CBLC: variants seen among roughly 807,000 people sequenced by gnomAD.
CBLC encodes the protein E3 ubiquitin-protein ligase CBL-C.
Under a neutral mutation model 58.6 loss-of-function variants are expected in CBLC, and 46 were observed. The observed-to-expected ratio is 0.79, with a 90% CI of 0.62 to 1.00. CBLC has a LOEUF of 1.00. Ranked by LOEUF, CBLC falls within the 50% of genes least tolerant of loss-of-function variation. The probability of loss-of-function intolerance (pLI) is 0.00; values close to 1 mark genes in which losing one functional copy is unlikely to be tolerated. For synonymous variants in CBLC, 271 were observed against 264.2 expected (o/e 1.03, Z -0.25); for missense variants, 655 against 625.8 (o/e 1.05, Z -0.50).
intron 5 of CBLC, among the ~76,000 whole-genome samples, chr19:44,785,249 A>G (rs903347409): frequency 2.0e-5 from 3 of 151,602 alleles, no homozygotes; most frequent in Admixed American, 2.0e-4. Flanking sequence ...TGCTGATTAC[A>G]GGCATGAGCC....
intron 7 of CBLC, among the ~76,000 whole-genome samples, chr19:44,792,819 C>G (rs1040096044): frequency 6.6e-6 from 1 of 152,154 alleles, no homozygotes; most frequent in Admixed American, 6.5e-5. Flanking sequence ...GCCTCGTCCC[C>G]TGGAGAACGG....
chr19:44,779,269 C>G (rs371396660), intron 1 of CBLC, among the ~76,000 whole-genome samples: 41 of 152,122 alleles, frequency 2.7e-4, no homozygotes, highest in African/African-American at 9.7e-4. Context: ...ATGTGGAGAC[C>G]CCATGGGCTC....
chr19:44,799,339 T>A (rs1968240114), intron 9 of CBLC, among the ~76,000 whole-genome samples: 1 of 152,152 alleles, frequency 6.6e-6, no homozygotes, highest in Admixed American at 6.5e-5. Context: ...CCTGTTTTGC[T>A]TTGTTTTGTT....
At chr19:44,779,672 C>T (rs1197438664) in intron 1 of CBLC, among the ~76,000 whole-genome samples, 1 of 151,982 alleles carries the variant, frequency 6.6e-6, no homozygotes, top group African/African-American at 2.4e-5. Flanking sequence ...CCACCTCAGC[C>T]TCCCATGTAG....
intron 9 of CBLC, among the ~76,000 whole-genome samples, chr19:44,797,915 A>T (rs550912254): frequency 2.9e-5 from 4 of 138,476 alleles, no homozygotes; most frequent in Admixed American, 2.8e-4. Flanking sequence ...TCATTTTTAA[A>T]TTTTTTGAGC....
chr19:44,781,321 C>T lies in CBLC; in HGVS notation c.615C>T (p.His205=), dbSNP rs1447293187. Reference sequence around the variant, plus strand: ...CCATTGACCTCACCTGCAGCGGGCACGTGTCCATCTTCGAGTTCGACGTCT... The same window carrying T: ...CCATTGACCTCACCTGCAGCGGGCATGTGTCCATCTTCGAGTTCGACGTCT... ...RTTIDLTCSG[H]VSIFEFDVFT... Residue 205 remains histidine, a synonymous_variant, in exon 3 of 11, where the codon CAC becomes CAT. Coordinates refer to ENST00000647358, the MANE Select transcript of CBLC (RefSeq NM_012116.4). The T allele has an allele frequency of 7.4e-6, 12 of 1,612,882 alleles. No individual in the cohort carries two copies. In the Middle Eastern group the frequency reaches 4.9e-4, roughly 67 times the overall value.
chr19:44,786,930 C>T (rs955485671), intron 5 of CBLC, among the ~76,000 whole-genome samples: 1 of 151,880 alleles, frequency 6.6e-6, no homozygotes, highest in Non-Finnish European at 1.5e-5. Context: ...CATGGTGAAA[C>T]CTGGTATCTA....
intron 7 of CBLC, 35 bp downstream of exon 7, chr19:44,792,549 T>TCC (rs780773035): frequency 1.3e-6 from 2 of 1,535,252 alleles, no homozygotes; most frequent in South Asian, 2.5e-5. Context: ...TCCCCTCTGG[T>TCC]CTCCCCCTCT....
rs557856786 is a variant in CBLC, at chr19:44,781,343, G to A, written c.637G>A (p.Val213Ile). ...SGHVSIFEFD[V>I]FTRLFQPWPT... ...GCACGTGTCCATCTTCGAGTTCGAC[G>A]TCTTCACCAGGCTCTTTCAGGTCAG... The change falls in exon 3 of 11, where the codon GTC becomes ATC. Residue 213 changes from valine (V) to isoleucine (I), a missense_variant. Coordinates refer to ENST00000647358, the MANE Select transcript of CBLC (RefSeq NM_012116.4). 8.8e-5 allele frequency: 142 copies of A among 1,610,552 alleles called. 1 individual carries two copies. In the East Asian group the frequency reaches 1.2e-3, roughly 14 times the overall value.
Position 44,800,370 on chromosome 19 carries a change from C to T in CBLC, c.1363-11C>T. On this transcript the variant is annotated splice_polypyrimidine_tract_variant and intron_variant, in intron 9 of 10. Transcript: ENST00000647358. Reference sequence around the variant, plus strand: ...GGAATCAACCGCCCTCTCAAAATATCTCCATTGCAGAGACTCCTAAAGGGG... The same window carrying T: ...GGAATCAACCGCCCTCTCAAAATATTTCCATTGCAGAGACTCCTAAAGGGG... The T allele has an allele frequency of 6.3e-7, 1 of 1,599,274 alleles. No homozygotes were observed. The highest frequency in any genetic ancestry group is 2.2e-5 in the East Asian group (1 of 44,774).
intron 9 of CBLC, among the ~76,000 whole-genome samples, chr19:44,798,429 GC>G (rs927550701): frequency 2.3e-4 from 35 of 152,124 alleles, no homozygotes; most frequent in African/African-American, 8.2e-4. Flanking sequence ...TCCACTGGCA[GC>G]CAAGCGCGGT....
chr19:44,778,205 A>C lies in CBLC; in HGVS notation c.274A>C (p.Arg92=), dbSNP rs777043372. The change falls in exon 1 of 11, where the codon AGG becomes CGG. Residue 92 remains arginine (R), a synonymous_variant. Coordinates refer to ENST00000647358, the MANE Select transcript of CBLC (RefSeq NM_012116.4). ...CCTGGCCAATCTGGAGGCCAAGAGC[A>C]GGCAGGTGGCCGCGCTGCTGCCTCC... ...IYLANLEAKS[R]QVAALLPPRG... The C allele has an allele frequency of 6.7e-7, 1 of 1,498,318 alleles. No homozygotes were observed. Among genetic ancestry groups the C allele is most frequent in the South Asian group, 1.3e-5 (1 of 77,594 alleles). 92.8% of individuals were successfully genotyped at this position (1,498,318 alleles called of 1,614,324 possible). A position where few individuals can be genotyped will look rare whatever the true frequency, so the allele number is the denominator to read the frequency against.
In CBLC at chr19:44,790,034, C is replaced by A; in HGVS notation, c.948C>A (p.Asn316Lys). 1 of 1,613,990 alleles carries A rather than the reference C, an allele frequency of 6.2e-7. No individual in the cohort carries two copies. The highest frequency in any genetic ancestry group is 2.2e-5 in the East Asian group (1 of 44,878). The change falls in exon 6 of 11, where the codon AAC becomes AAA. Residue 316 changes from asparagine (N) to lysine (K), a missense_variant. This residue lies in a region of CBLC where 371 missense variants were observed against 370.8 expected (regional missense o/e 1.00). Transcript: ENST00000647358. The stretch of plus-strand genomic sequence containing the variant: ...TCTACCCAGATGGAAAGACCCACAA[C>A]CCAGACCTGACTGAGCTCGGCCAGG... ...FYLYPDGKTH[N>K]PDLTELGQAE...
At chr19:44,784,502 C>G (rs762565132) in intron 5 of CBLC, 101 bp downstream of exon 5, 5 of 1,198,276 alleles carry the variant, frequency 4.2e-6, no homozygotes, top group Non-Finnish European at 5.8e-6. Flanking sequence ...GAGGGTGCAA[C>G]CATTCACATA....
intron 2 of CBLC, 58 bp downstream of exon 2, chr19:44,781,109 C>CA: frequency 6.3e-7 from 1 of 1,584,496 alleles, no homozygotes; most frequent in Non-Finnish European, 8.6e-7. Context: ...CCCAGGGACC[C>CA]AGGGGTCCAG....
intron 6 of CBLC, among the ~76,000 whole-genome samples, chr19:44,790,675 A>G (rs551301172): frequency 1.4e-3 from 208 of 152,174 alleles, no homozygotes; most frequent in Non-Finnish European, 1.8e-3. Flanking sequence ...GGTTCCAGCA[A>G]TCCTCCCGCC....
chr19:44,795,386 G>A (rs764613484), intron 9 of CBLC, among the ~76,000 whole-genome samples: 23 of 152,116 alleles, frequency 1.5e-4, no homozygotes, highest in East Asian at 5.9e-4. Context: ...AAGTGGTGGC[G>A]CACACCCGTA....
rs769820375 is a variant in CBLC at position 44,777,892 on chromosome 19, C to G, written c.-40C>G. The G allele has an allele frequency of 7.4e-6, 11 of 1,478,086 alleles. No homozygotes were observed. The East Asian group carries it at 2.8e-4, about 38-fold the overall frequency. The allele number at this position is 1,478,086 out of a possible 1,614,324, so 91.6% of individuals were successfully genotyped here. A position where few individuals can be genotyped will look rare whatever the true frequency, so the allele number is the denominator to read the frequency against. On this transcript the variant is annotated 5_prime_UTR_variant, in exon 1 of 11. In the 5' UTR this introduces an upstream ATG that the reference lacks. Transcript: ENST00000647358. ...TCACTCTGGGCGAGGCCGCCCCTAT[C>G]CCAGCCGCACCGGTCCTTCCCGGCA...
intron 9 of CBLC, among the ~76,000 whole-genome samples, chr19:44,795,634 TAA>T (rs113434151): frequency 6.9e-6 from 1 of 144,722 alleles, no homozygotes. Context: ...CCCCGTTCTC[TAA>T]AAAAAAAAAG....
Sources: gnomAD v4.1 joint callset for allele counts (sites outside exome capture counted in the v4.1 genomes callset) on GRCh38, gnomAD v4.1.1 for gene constraint, gnomAD v4.1.1 regional missense constraint, MANE v1.5 for transcripts, NCBI Gene and HGNC (gene_info 2026-07-23, HGNC 2026-07-21) for gene names.